The following SULF1 variants were observed in gnomAD, a reference collection of about 807,000 sequenced individuals.
The protein encoded by SULF1 is extracellular sulfatase Sulf-1.
SULF1 carries 46 observed loss-of-function variants against 110.5 expected under a neutral mutation model. That is an observed-to-expected ratio of 0.42 (90% CI 0.33 to 0.53). The LOEUF is 0.53. Among genes scored for constraint, SULF1 ranks in the 20% least tolerant of loss-of-function variants. SULF1 has a pLI of 0.12. For missense variants in SULF1, 941 were observed against 1,094.2 expected (o/e 0.86, Z 1.98); for synonymous variants, 371 against 387.1 (o/e 0.96, Z 0.49).
chr8:69,579,869 T>A (rs1805942822), intron 6 of SULF1, among the ~76,000 whole-genome samples: 2 of 152,194 alleles, frequency 1.3e-5, no homozygotes, highest in African/African-American at 2.4e-5. Flanking sequence ...GCTTTCCTAA[T>A]AATGAATTTA....
chr8:69,574,333 A>T (rs983039916), intron 5 of SULF1, among the ~76,000 whole-genome samples: 2 of 151,652 alleles, frequency 1.3e-5, no homozygotes, highest in Non-Finnish European at 2.9e-5. Context: ...TGTTCTCATC[A>T]CTCTACTTGT....
In SULF1 at chr8:69,563,979, A is replaced by G; in HGVS notation, c.4A>G (p.Lys2Glu). Residue 2 changes from lysine to glutamate, a missense_variant, in exon 5 of 23, where the codon AAG becomes GAG. Physicochemically the swap from Lys to Glu is moderately conservative, Grantham distance 56. Coordinates refer to ENST00000402687, the MANE Select transcript of SULF1 (RefSeq NM_001128205.2). M[K>E]YSCCALVLAV... is the part of the protein sequence containing the mutation. ...TTGCAACATTGGACCAAATACAATG[A>G]AGTATTCTTGCTGTGCTCTGGTTTT... 6.2e-7 allele frequency: 1 copy of G among 1,614,112 alleles called. No individual in the cohort carries two copies. The highest frequency in any genetic ancestry group is 8.5e-7 in the Non-Finnish European group (1 of 1,179,988).
chr8:69,619,749 TCAC>T (rs1218312550), intron 13 of SULF1, among the ~76,000 whole-genome samples: 3 of 152,198 alleles, frequency 2.0e-5, no homozygotes. Flanking sequence ...GCCTGCTTGG[TCAC>T]CACCACTGCT....
At chr8:69,566,590 C>T (rs1194068768) in intron 5 of SULF1, among the ~76,000 whole-genome samples, 1 of 152,170 alleles carries the variant, frequency 6.6e-6, no homozygotes, top group Non-Finnish European at 1.5e-5. Context: ...GTCATTCTCG[C>T]CTATAATCCC....
chr8:69,484,825 C>CTCTTCTTCTTCTTCTTCTTCTTCTTCT lies in SULF1; in HGVS notation c.-390-10929_-390-10903dup, dbSNP rs72313235. On this transcript the variant is annotated intron_variant, in intron 1 of 22. Transcript: ENST00000260128. ...GGATATACAGCTTGCTTTCATCTTC[C>CTCTTCTTCTTCTTCTTCTTCTTCTTCT]TCTTCTTCTTCTTCTTCTTCTTCTT... Among the ~76,000 whole-genome samples, 732 of 148,938 alleles carry CTCTTCTTCTTCTTCTTCTTCTTCTTCT rather than the reference C, an allele frequency of 4.9e-3. 11 individuals carry two copies. The highest frequency in any genetic ancestry group is 0.017 in the African/African-American group (693 of 40,302).
At chr8:69,578,471 T>C (rs1053327804) in intron 6 of SULF1, among the ~76,000 whole-genome samples, 2 of 150,946 alleles carry the variant, frequency 1.3e-5, no homozygotes, top group African/African-American at 4.9e-5. Context: ...TCATTTAGCA[T>C]AAGGTATATC....
rs1432211150 is a variant in SULF1 at position 69,493,126 on chromosome 8, G to A, written c.-391+1G>A. 2.0e-5 allele frequency: 3 copies of A among 152,644 alleles called. No homozygotes were observed. The highest frequency in any genetic ancestry group is 4.8e-5 in the African/African-American group (2 of 41,444). The allele number at this position is 152,644 out of a possible 1,614,324, so 9.5% of individuals were successfully genotyped here. ...AGAGAAGATTTTGAAGGCGGCTTTTGTAAGTATCGTGCTCTGCTTTTACTT... is the reference window on the plus strand; with the variant it reads ...AGAGAAGATTTTGAAGGCGGCTTTTATAAGTATCGTGCTCTGCTTTTACTT... On this transcript the variant is annotated splice_donor_variant, in intron 1 of 22. Transcript: ENST00000402687. LOFTEE classifies it low-confidence loss of function (5UTR_SPLICE).
chr8:69,489,483 T>G (rs1809829174), upstream of SULF1, among the ~76,000 whole-genome samples: 1 of 151,918 alleles, frequency 6.6e-6, no homozygotes, highest in African/African-American at 2.4e-5. Context: ...TTGACAAACT[T>G]TAGACTTATA....
chr8:69,504,411 C>T (rs894345188), intron 3 of SULF1, among the ~76,000 whole-genome samples: 15 of 151,840 alleles, frequency 9.9e-5, no homozygotes, highest in Admixed American at 2.0e-4. Context: ...AAAAATTAGC[C>T]GGGCGTGGTG....
chr8:69,614,077 A>G (rs1286955227), intron 13 of SULF1, among the ~76,000 whole-genome samples: 2 of 152,126 alleles, frequency 1.3e-5, no homozygotes, highest in Non-Finnish European at 2.9e-5. Flanking sequence ...GTAATAAACC[A>G]TGTGTGGGTG....
chr8:69,555,486 G>T (rs771833590), intron 3 of SULF1, among the ~76,000 whole-genome samples: 1 of 152,088 alleles, frequency 6.6e-6, no homozygotes. Flanking sequence ...GTGAAAGCCC[G>T]TCTCTACTAA....
intron 8 of SULF1, among the ~76,000 whole-genome samples, chr8:69,591,777 C>T (rs1453760826): frequency 2.6e-5 from 4 of 152,192 alleles, no homozygotes; most frequent in African/African-American, 4.8e-5. Context: ...CCAAACCTAG[C>T]TTGCCACCAG....
At chr8:69,635,369 C>T (rs1226512305) in intron 19 of SULF1, among the ~76,000 whole-genome samples, 1 of 152,162 alleles carries the variant, frequency 6.6e-6, no homozygotes, top group African/African-American at 2.4e-5. Context: ...TGAGGGATGT[C>T]TATGGTGAGA....
chr8:69,622,290 T>C (rs1809677368), intron 14 of SULF1, among the ~76,000 whole-genome samples: 2 of 151,964 alleles, frequency 1.3e-5, no homozygotes, highest in South Asian at 4.1e-4. Flanking sequence ...TTTCTGAAAA[T>C]CAATAAGGCC....
At chr8:69,483,725 G>A (rs1289574121) in intron 1 of SULF1, among the ~76,000 whole-genome samples, 2 of 152,100 alleles carry the variant, frequency 1.3e-5, no homozygotes, top group Non-Finnish European at 2.9e-5. Context: ...AGAGTTCCAG[G>A]CTGCAATGAG....
chr8:69,502,815 T>G (rs1435178959), intron 3 of SULF1, among the ~76,000 whole-genome samples: 1 of 151,206 alleles, frequency 6.6e-6, no homozygotes, highest in Non-Finnish European at 1.5e-5. Flanking sequence ...AGCCTCCCGA[T>G]TAGCTGGGAT....
intron 3 of SULF1, among the ~76,000 whole-genome samples, chr8:69,560,329 T>C (rs965581769): frequency 8.1e-6 from 1 of 123,506 alleles, no homozygotes; most frequent in Non-Finnish European, 1.6e-5. Flanking sequence ...TGGCTGGACA[T>C]CCTGCCAGTC....
At chr8:69,472,286 A>G (rs1809117426) in intron 1 of SULF1, among the ~76,000 whole-genome samples, 2 of 152,188 alleles carry the variant, frequency 1.3e-5, no homozygotes, top group African/African-American at 2.4e-5. Flanking sequence ...ATCTAGAAAG[A>G]AATATTAATA....
chr8:69,509,954 T>C (rs542482846), intron 3 of SULF1, among the ~76,000 whole-genome samples: 3 of 152,338 alleles, frequency 2.0e-5, no homozygotes, highest in Admixed American at 6.5e-5. Flanking sequence ...TTGTATGACA[T>C]GACTTGTGCA....
Sources: gnomAD v4.1 joint callset for allele counts (sites outside exome capture counted in the v4.1 genomes callset) on GRCh38, gnomAD v4.1.1 for gene constraint, MANE v1.5 for transcripts, NCBI Gene and HGNC (gene_info 2026-07-23, HGNC 2026-07-21) for gene names.